ROBO2: variants seen among roughly 807,000 people sequenced by gnomAD.
ROBO2 encodes the protein roundabout guidance receptor 2, also known as roundabout homolog 2.
In ROBO2, 53 loss-of-function variants were observed where a neutral mutation model predicts 160.8. The ratio of observed to expected loss-of-function variants is 0.33; its 90% CI spans 0.26 to 0.41. The LOEUF (loss-of-function observed/expected upper bound fraction) is 0.41, where lower values mean the gene tolerates loss of function less well. Among genes scored for constraint, ROBO2 ranks in the 10% least tolerant of loss-of-function variants. The pLI is 1.00. For synonymous variants in ROBO2, 664 were observed against 611.7 expected, an observed-to-expected ratio of 1.09 and a Z score of -1.26; for missense variants, 1,577 against 1,722.4, an observed-to-expected ratio of 0.92 and a Z score of 1.49.
At chr3:75,982,997 G>C (rs544961578) in intron 2 of ROBO2, among the ~76,000 whole-genome samples, 1 of 151,556 alleles carries the variant, frequency 6.6e-6, no homozygotes, top group South Asian at 2.1e-4. Flanking sequence ...TGTGAGGAAG[G>C]TTATATGCTG....
At chr3:77,351,984 T>C (rs1474526421) in intron 2 of ROBO2, among the ~76,000 whole-genome samples, 2 of 151,544 alleles carry the variant, frequency 1.3e-5, no homozygotes, top group Non-Finnish European at 2.9e-5. Flanking sequence ...CATTAGGAGA[T>C]ATACCTAATG....
chr3:76,196,080 C>T (rs1460788018), intron 2 of ROBO2, among the ~76,000 whole-genome samples: 3 of 152,114 alleles, frequency 2.0e-5, no homozygotes, highest in Non-Finnish European at 4.4e-5. Context: ...TACATCAGTG[C>T]CTTTTCCTGT....
intron 2 of ROBO2, among the ~76,000 whole-genome samples, chr3:76,817,212 T>TA (rs2065750901): frequency 6.6e-6 from 1 of 152,088 alleles, no homozygotes; most frequent in Admixed American, 6.6e-5. Flanking sequence ...TAAAGTGTAA[T>TA]AAAAAATTAA....
intron 2 of ROBO2, among the ~76,000 whole-genome samples, chr3:77,373,867 CAAAAA>C (rs35983454): frequency 2.7e-5 from 3 of 112,404 alleles, no homozygotes; most frequent in African/African-American, 3.8e-5. Flanking sequence ...CCAAAGCAGG[CAAAAA>C]AAAAAAAAAA....
chr3:76,549,324 C>T (rs947891595), intron 2 of ROBO2, among the ~76,000 whole-genome samples: 4 of 152,070 alleles, frequency 2.6e-5, no homozygotes, highest in South Asian at 4.1e-4. Flanking sequence ...CATCATTTCC[C>T]GTAATTTGGC....
intron 2 of ROBO2, among the ~76,000 whole-genome samples, chr3:76,507,263 G>GA (rs946944613): frequency 1.3e-5 from 2 of 151,910 alleles, no homozygotes; most frequent in South Asian, 2.1e-4. Context: ...TTAAATTTTT[G>GA]AAAAAATCTA....
At chr3:76,031,633 G>T (rs1297065416) in intron 2 of ROBO2, among the ~76,000 whole-genome samples, 2 of 152,066 alleles carry the variant, frequency 1.3e-5, no homozygotes, top group African/African-American at 4.8e-5. Flanking sequence ...TGTGGTTTTT[G>T]TCTTTGGTTC....
intron 2 of ROBO2, among the ~76,000 whole-genome samples, chr3:76,832,124 T>C (rs992703615): frequency 6.6e-6 from 1 of 152,194 alleles, no homozygotes; most frequent in Non-Finnish European, 1.5e-5. Context: ...TGACTTCATT[T>C]AATGCTTTCA....
intron 4 of ROBO2, among the ~76,000 whole-genome samples, chr3:77,492,870 C>A (rs892067188): frequency 2.6e-5 from 4 of 151,826 alleles, no homozygotes; most frequent in African/African-American, 9.7e-5. Context: ...TTTAGTTTTC[C>A]CACTTTGAAC....
intron 2 of ROBO2, among the ~76,000 whole-genome samples, chr3:76,768,314 G>T (rs796539493): frequency 2.8e-4 from 42 of 151,434 alleles, no homozygotes; most frequent in African/African-American, 9.7e-4. Flanking sequence ...AGAATAATTT[G>T]CTCCAGGCAG....
At chr3:75,999,928 T>C (rs2107556197) in intron 2 of ROBO2, among the ~76,000 whole-genome samples, 1 of 152,362 alleles carries the variant, frequency 6.6e-6, no homozygotes, top group East Asian at 1.9e-4. Flanking sequence ...TGCTTGCTAG[T>C]TGGATCTGAG....
chr3:76,057,321 A>G (rs1434116423), intron 2 of ROBO2, among the ~76,000 whole-genome samples: 3 of 152,170 alleles, frequency 2.0e-5, no homozygotes, highest in Admixed American at 1.3e-4. Flanking sequence ...CAGTAATTCA[A>G]TAAGTATGAT....
chr3:76,604,430 T>A (rs1026380748), intron 2 of ROBO2, among the ~76,000 whole-genome samples: 2 of 152,120 alleles, frequency 1.3e-5, no homozygotes, highest in East Asian at 1.9e-4. Flanking sequence ...TATCAGTTCT[T>A]CTCAGAATAA....
intron 2 of ROBO2, among the ~76,000 whole-genome samples, chr3:76,893,143 C>T (rs575591560): frequency 1.7e-4 from 26 of 152,096 alleles, no homozygotes; most frequent in Admixed American, 1.3e-3. Context: ...ATATACGGTA[C>T]GCATTATCCT....
intron 2 of ROBO2, among the ~76,000 whole-genome samples, chr3:76,397,226 G>A (rs2077510720): frequency 1.3e-5 from 2 of 152,268 alleles, no homozygotes; most frequent in East Asian, 3.9e-4. Context: ...AATGGGGAAA[G>A]GATTCCCTAT....
At chr3:77,264,904 G>C (rs186308778) in intron 2 of ROBO2, among the ~76,000 whole-genome samples, 15 of 151,940 alleles carry the variant, frequency 9.9e-5, no homozygotes, top group Admixed American at 3.9e-4. Context: ...GCTATAATGC[G>C]GCCTGTTCCT....
At chr3:76,564,942 T>G (rs1303113309) in intron 2 of ROBO2, among the ~76,000 whole-genome samples, 1 of 152,198 alleles carries the variant, frequency 6.6e-6, no homozygotes, top group East Asian at 1.9e-4. Context: ...ATATGTAGAA[T>G]GACCATAAAA....
chr3:76,245,624 A>T (rs1705570512), intron 2 of ROBO2, among the ~76,000 whole-genome samples: 1 of 151,942 alleles, frequency 6.6e-6, no homozygotes, highest in Admixed American at 6.6e-5. Context: ...TTAATATTCT[A>T]TTTTGTATCT....
intron 2 of ROBO2, among the ~76,000 whole-genome samples, chr3:77,129,736 A>C (rs1361277743): frequency 1.3e-5 from 2 of 152,060 alleles, no homozygotes; most frequent in African/African-American, 4.8e-5. Context: ...CATCTCATCG[A>C]TTTGCTGAGC....
Sources: allele counts gnomAD v4.1 joint callset (sites outside exome capture counted in the v4.1 genomes callset), GRCh38; gene constraint gnomAD v4.1.1; transcripts MANE v1.5; gene names NCBI Gene and HGNC (gene_info 2026-07-23, HGNC 2026-07-21).